Variants in TKT observed in about 807,000 individuals in gnomAD.
The protein encoded by TKT is epididymis luminal protein 107.
Under a neutral mutation model 63.9 loss-of-function variants are expected in TKT, and 47 were observed. That is an observed-to-expected ratio of 0.74 (90% confidence interval 0.58 to 0.94). The LOEUF (loss-of-function observed/expected upper bound fraction) is 0.94, where lower values mean the gene tolerates loss of function less well. TKT is among the 40% of genes least tolerant of loss of function. TKT has a pLI of 0.00. For missense variants in TKT, 721 were observed against 846.2 expected (o/e 0.85, Z 1.84); for synonymous variants, 338 against 334.1 (o/e 1.01, Z -0.13).
At chr3:53,232,051 G>A (rs1045881440) in intron 6 of TKT, 14 of 312,498 alleles carry the variant, frequency 4.5e-5, no homozygotes, top group Middle Eastern at 1.7e-3. Context: ...GAGTCTATAA[G>A]CACCTAGGCA....
chr3:53,233,629 A>C (rs947539453), intron 5 of TKT: 1 of 179,500 alleles, frequency 5.6e-6, no homozygotes, highest in African/African-American at 2.4e-5. Flanking sequence ...TCTGTCTGCT[A>C]TTAGATTCTT....
intron 1 of TKT, among the ~76,000 whole-genome samples, chr3:53,250,055 C>G (rs1183368985): frequency 1.3e-5 from 2 of 152,236 alleles, no homozygotes; most frequent in Non-Finnish European, 2.9e-5. Context: ...TACTTCACTT[C>G]CAGTTTCTTA....
intron 1 of TKT, among the ~76,000 whole-genome samples, chr3:53,249,405 A>C (rs575650093): frequency 1.3e-5 from 2 of 148,668 alleles, no homozygotes; most frequent in African/African-American, 5.0e-5. Flanking sequence ...AACATGGTGA[A>C]ACCCCATCCC....
Position 53,255,822 on chromosome 3 carries a change from C to T in TKT, c.107+14G>A, listed in dbSNP as rs1248700346. The T allele has an allele frequency of 5.4e-6, 8 of 1,482,036 alleles. No homozygotes were observed. The highest frequency in any genetic ancestry group is 7.2e-6 in the Non-Finnish European group (8 of 1,112,772). The allele number at this position is 1,482,036 out of a possible 1,614,324, so 91.8% of individuals were successfully genotyped here. On this transcript the variant is annotated intron_variant, in intron 1 of 13. Coordinates refer to ENST00000462138, the MANE Select transcript of TKT (RefSeq NM_001064.4). ...CCGCCCGAGCCGCGTCCCCGGCCGG[C>T]GCCGCGCACTCACCCAGAGCCCGCC...
intron 1 of TKT, among the ~76,000 whole-genome samples, chr3:53,251,873 C>T (rs1174919126): frequency 1.3e-5 from 2 of 152,188 alleles, no homozygotes; most frequent in Non-Finnish European, 2.9e-5. Context: ...GGAGCGGTGG[C>T]TCACGCCTAT....
chr3:53,246,641 T>C (rs1280291543), intron 1 of TKT, among the ~76,000 whole-genome samples: 1 of 151,902 alleles, frequency 6.6e-6, no homozygotes, highest in African/African-American at 2.4e-5. Flanking sequence ...TCACCTGAGG[T>C]CATGAGTTTG....
In TKT at chr3:53,229,326, G is replaced by C; in HGVS notation, c.1218C>G (p.Ser406=). The change falls in exon 9 of 14, where the codon TCC becomes TCG. Residue 406 remains serine, a synonymous_variant. Transcript: ENST00000462138. The part of the protein sequence containing the change: ...AFDQIRMAAI[S]ESNINLCGSH... ...AGCCGCAGAGGTTGATGTTGCTCTC[G>C]GAGATGGCGGCCATGCGAATCTGGT... The C allele has an allele frequency of 1.2e-6, 2 of 1,614,044 alleles. No homozygotes were observed. The highest frequency in any genetic ancestry group is 2.2e-5 in the South Asian group (2 of 91,070).
At chr3:53,237,453 A>G (rs1259225647) in intron 4 of TKT, among the ~76,000 whole-genome samples, 1 of 151,754 alleles carries the variant, frequency 6.6e-6, no homozygotes, top group Non-Finnish European at 1.5e-5. Flanking sequence ...AAAGCTCATG[A>G]TAGAAGGCTT....
rs1385231333 is a variant in TKT at position 53,229,362 on chromosome 3, C to T, written c.1182G>A (p.Thr394=). ...CCATGCGAATCTGGTCAAAGGCCCG[C>T]GTGAAGAAGGCTGCAAAAGTGCTGC... is the stretch of plus-strand genomic sequence containing the variant. ...PFCSTFAAFF[T]RAFDQIRMAA... is the part of the protein sequence containing the mutation. Residue 394 remains threonine (T), a synonymous_variant, in exon 9 of 14, where the codon ACG becomes ACA. Coordinates refer to ENST00000462138, the MANE Select transcript of TKT (RefSeq NM_001064.4). The T allele has an allele frequency of 9.3e-6, 15 of 1,613,508 alleles. No homozygotes were observed. The highest frequency in any genetic ancestry group is 2.7e-5 in the African/African-American group (2 of 74,892).
At chr3:53,226,942 G>C (rs79872280) in intron 12 of TKT, 64 bp from the exon 13 acceptor site, 15,688 of 1,538,248 alleles carry the variant, frequency 0.01, 113 homozygotes, top group Middle Eastern at 0.024. Context: ...GCCCTGGTGG[G>C]GGCCTGGTGG....
In TKT at chr3:53,241,311, T is replaced by C. The variant is rs148767875; in HGVS notation, c.226-66A>G. On this transcript the variant is annotated intron_variant, in intron 2 of 13. Coordinates refer to ENST00000462138, the MANE Select transcript of TKT (RefSeq NM_001064.4). ...CGGTTCTACTTCGGGCTGTGCCTAC[T>C]TCACACTGACCCCTGGGGCCCGGCC... is the stretch of plus-strand genomic sequence containing the variant. 3.0e-4 allele frequency: 421 copies of C among 1,421,978 alleles called. 1 individual carries two copies. In the African/African-American group the frequency reaches 5.8e-3, roughly 20 times the overall value. The allele number at this position is 1,421,978 out of a possible 1,614,324, so 88.1% of individuals were successfully genotyped here. A position where few individuals can be genotyped will look rare whatever the true frequency, so the allele number is the denominator to read the frequency against.
At chr3:53,243,438 A>G in intron 1 of TKT, 1 of 374,534 alleles carries the variant, frequency 2.7e-6, no homozygotes, top group Non-Finnish European at 5.3e-6. Context: ...TCACGCCGCC[A>G]GCCTCCCGCC....
chr3:53,230,749 T>C, intron 7 of TKT, 128 bp from the exon 8 acceptor site: 1 of 1,142,224 alleles, frequency 8.8e-7, no homozygotes, highest in Non-Finnish European at 1.2e-6. Flanking sequence ...CACAAGGTCC[T>C]GCAGAGGCTT....
chr3:53,236,728 G>T (rs1460485176), intron 4 of TKT, among the ~76,000 whole-genome samples: 1 of 152,202 alleles, frequency 6.6e-6, no homozygotes, highest in Non-Finnish European at 1.5e-5. Flanking sequence ...GGCTAGCACT[G>T]GAGGCCCAGC....
At chr3:53,236,456 G>T (rs906156335) in intron 4 of TKT, among the ~76,000 whole-genome samples, 4 of 152,208 alleles carry the variant, frequency 2.6e-5, no homozygotes, top group Non-Finnish European at 5.9e-5. Flanking sequence ...CCCCTGTGGG[G>T]TACCATGGCC....
rs782791405 is a variant in TKT, at chr3:53,230,441, C to T, written c.1107+16G>A. ...CAGCCTTGGGTGGACCTGTCCCTGC[C>T]GGCCCCAGCACCTACCATGTTCTGC... On this transcript the variant is annotated intron_variant, in intron 8 of 13. Transcript: ENST00000462138. 8.1e-6 allele frequency: 13 copies of T among 1,613,972 alleles called. No individual in the cohort carries two copies. The Admixed American group carries it at 8.3e-5, about 10-fold the overall frequency.
At chr3:53,252,479 CAT>C (rs1188640054) in intron 1 of TKT, among the ~76,000 whole-genome samples, 3 of 152,234 alleles carry the variant, frequency 2.0e-5, no homozygotes, top group African/African-American at 7.2e-5. Context: ...ATATTTTAAA[CAT>C]ATACATACAC....
At chr3:53,251,071 G>A (rs1417735695) in intron 1 of TKT, among the ~76,000 whole-genome samples, 1 of 152,150 alleles carries the variant, frequency 6.6e-6, no homozygotes, top group Non-Finnish European at 1.5e-5. Context: ...GCACCTGGCC[G>A]GAAGGGCCTT....
chr3:53,231,773 C>T (rs893719484), intron 6 of TKT: 1 of 551,100 alleles, frequency 1.8e-6, no homozygotes, highest in African/African-American at 1.9e-5. Context: ...ACTGCCTGGT[C>T]CTTTGGGAGC....
Sources: allele counts gnomAD v4.1 joint callset (sites outside exome capture counted in the v4.1 genomes callset), GRCh38; gene constraint gnomAD v4.1.1; transcripts MANE v1.5; gene names NCBI Gene and HGNC (gene_info 2026-07-23, HGNC 2026-07-21).